The following SYNPR variants were observed in gnomAD, a reference collection of about 807,000 sequenced individuals.
SYNPR encodes synaptoporin.
In SYNPR, 23 loss-of-function variants were observed where a neutral mutation model predicts 32.9. The ratio of observed to expected loss-of-function variants is 0.70; its 90% CI spans 0.50 to 0.99. The LOEUF (loss-of-function observed/expected upper bound fraction) is 0.99, where lower values mean the gene tolerates loss of function less well. SYNPR is among the 50% of genes least tolerant of loss of function. The pLI is 0.00. For synonymous variants in SYNPR, 146 were observed against 135.9 expected (o/e 1.07, Z -0.52); for missense variants, 318 against 349.3 (o/e 0.91, Z 0.71).
chr3:63,378,107 A>G (rs1049950155), intron 2 of SYNPR, among the ~76,000 whole-genome samples: 3 of 151,908 alleles, frequency 2.0e-5, no homozygotes, highest in Admixed American at 6.6e-5. Context: ...AATTATAGGT[A>G]TTTAGTATAA....
chr3:63,310,518 C>G (rs1040792530), intron 2 of SYNPR, among the ~76,000 whole-genome samples: 1 of 151,948 alleles, frequency 6.6e-6, no homozygotes, highest in East Asian at 1.9e-4. Context: ...TCTGCTTTCA[C>G]CTGTGTAGCT....
At chr3:63,541,228 T>G (rs2106804459) in intron 3 of SYNPR, among the ~76,000 whole-genome samples, 1 of 150,834 alleles carries the variant, frequency 6.6e-6, no homozygotes, top group African/African-American at 2.4e-5. Context: ...TACTGCCAAT[T>G]CTTTTTTTTT....
chr3:63,386,116 A>T (rs2088040462), intron 2 of SYNPR, among the ~76,000 whole-genome samples: 1 of 152,256 alleles, frequency 6.6e-6, no homozygotes, highest in African/African-American at 2.4e-5. Flanking sequence ...CTCAGCTGAC[A>T]TATAGAGTGC....
chr3:63,382,560 G>A (rs1285302392), intron 2 of SYNPR, among the ~76,000 whole-genome samples: 2 of 152,178 alleles, frequency 1.3e-5, no homozygotes, highest in Non-Finnish European at 2.9e-5. Context: ...AACTTTGTCT[G>A]CCCTCATTGG....
At chr3:63,502,020 C>A (rs1701491644) in intron 3 of SYNPR, among the ~76,000 whole-genome samples, 1 of 151,990 alleles carries the variant, frequency 6.6e-6, no homozygotes, top group African/African-American at 2.4e-5. Flanking sequence ...ATATTTAAGT[C>A]TCATTAATAA....
chr3:63,317,971 T>G (rs558926462), intron 2 of SYNPR, among the ~76,000 whole-genome samples: 139 of 152,188 alleles, frequency 9.1e-4, no homozygotes, highest in Non-Finnish European at 1.2e-3. Context: ...TCTCTCAGCA[T>G]TTGTTTGTCT....
chr3:63,386,113 G>A (rs2088040395), intron 2 of SYNPR, among the ~76,000 whole-genome samples: 1 of 152,216 alleles, frequency 6.6e-6, no homozygotes, highest in African/African-American at 2.4e-5. Flanking sequence ...GCACTCAGCT[G>A]ACATATAGAG....
chr3:63,418,622 C>T (rs904670509), intron 2 of SYNPR, among the ~76,000 whole-genome samples: 1 of 152,190 alleles, frequency 6.6e-6, no homozygotes, highest in Admixed American at 6.5e-5. Context: ...GGAGGCCGCA[C>T]AACTATGGTG....
At chr3:63,462,431 TTTTTA>T (rs1215084972) in intron 2 of SYNPR, among the ~76,000 whole-genome samples, 2 of 152,180 alleles carry the variant, frequency 1.3e-5, no homozygotes, top group Non-Finnish European at 2.9e-5. Flanking sequence ...AGATGTTCAT[TTTTTA>T]TTTTAAGAAA....
chr3:63,302,010 C>G (rs1315229490), intron 2 of SYNPR, among the ~76,000 whole-genome samples: 1 of 151,988 alleles, frequency 6.6e-6, no homozygotes, highest in African/African-American at 2.4e-5. Context: ...GGTAGGCACC[C>G]AAATATTTCC....
At chr3:63,463,170 A>G (rs1700618699) in intron 2 of SYNPR, among the ~76,000 whole-genome samples, 1 of 152,156 alleles carries the variant, frequency 6.6e-6, no homozygotes, top group Non-Finnish European at 1.5e-5. Flanking sequence ...CGAGGGAAAA[A>G]GGTACAGCTA....
chr3:63,431,162 T>C (rs981045038), intron 2 of SYNPR, among the ~76,000 whole-genome samples: 1 of 152,212 alleles, frequency 6.6e-6, no homozygotes, highest in Non-Finnish European at 1.5e-5. Flanking sequence ...AACTCACTGG[T>C]GCTACTTCAC....
At chr3:63,572,577 A>G (rs1365860175) in intron 4 of SYNPR, among the ~76,000 whole-genome samples, 1 of 152,024 alleles carries the variant, frequency 6.6e-6, no homozygotes, top group Admixed American at 6.6e-5. Flanking sequence ...CAGAAATTAA[A>G]TGCTGTCTCA....
chr3:63,230,998 G>A (rs1001705911), intron 1 of SYNPR, among the ~76,000 whole-genome samples: 1 of 151,944 alleles, frequency 6.6e-6, no homozygotes, highest in Non-Finnish European at 1.5e-5. Flanking sequence ...GCACTACTAG[G>A]TACCTACCCA....
chr3:63,592,357 C>T (rs13065132), intron 4 of SYNPR, among the ~76,000 whole-genome samples: 12,185 of 151,574 alleles, frequency 0.08, 656 homozygotes, highest in Middle Eastern at 0.12. Flanking sequence ...ACCAATATAA[C>T]GAGATTAAAA....
intron 1 of SYNPR, among the ~76,000 whole-genome samples, chr3:63,234,264 C>T (rs6770403): frequency 0.016 from 2,398 of 152,258 alleles, 48 homozygotes; most frequent in African/African-American, 0.054. Context: ...TATTCTATCA[C>T]AAAAACAGCA....
chr3:63,266,951 T>C (rs1220875383), intron 2 of SYNPR, among the ~76,000 whole-genome samples: 1 of 152,166 alleles, frequency 6.6e-6, no homozygotes, highest in African/African-American at 2.4e-5. Flanking sequence ...TTCATCTTTA[T>C]TACCAATACA....
At chr3:63,479,961 C>T (rs1490782790) in intron 2 of SYNPR, among the ~76,000 whole-genome samples, 2 of 152,144 alleles carry the variant, frequency 1.3e-5, no homozygotes, top group Non-Finnish European at 2.9e-5. Context: ...AATACTGCAG[C>T]ATGTTAGTGT....
intron 3 of SYNPR, among the ~76,000 whole-genome samples, chr3:63,504,733 GGA>G (rs1701551052): frequency 6.6e-6 from 1 of 152,022 alleles, no homozygotes; most frequent in African/African-American, 2.4e-5. Context: ...AGAGAAAATG[GGA>G]GAGACTTCTG....
Sources: allele counts gnomAD v4.1 joint callset (sites outside exome capture counted in the v4.1 genomes callset), GRCh38; gene constraint gnomAD v4.1.1; transcripts MANE v1.5; gene names NCBI Gene and HGNC (gene_info 2026-07-23, HGNC 2026-07-21).